Variants in RTL10 observed in about 807,000 individuals in gnomAD.
The protein encoded by RTL10 is protein Bop.
For missense variants in RTL10, 477 were observed against 470.7 expected (o/e 1.01, Z -0.12); for synonymous variants, 199 against 188.4 (o/e 1.06, Z -0.46).
Position 19,848,373 on chromosome 22 carries a change from G to A in RTL10, c.*2794C>T, listed in dbSNP as rs1238527928. On this transcript the variant is annotated 3_prime_UTR_variant, in exon 3 of 3. Transcript: ENST00000328554. ...GTCTGCCAGTGTGTGGGGGCCAGAA[G>A]AGAAAAACAACCCAGGGGGAATGCC... 9.1e-6 allele frequency: 9 copies of A among 985,344 alleles called. No homozygotes were observed. Among genetic ancestry groups the A allele is most frequent in the Non-Finnish European group, 1.1e-5 (9 of 829,982 alleles). The allele number at this position is 985,344 out of a possible 1,614,324, so 61.0% of individuals were successfully genotyped here. A position where few individuals can be genotyped will look rare whatever the true frequency, so the allele number is the denominator to read the frequency against.
At position 19,851,453 on chromosome 22, in the gene RTL10, G is replaced by A. The variant is rs1938095826; in HGVS notation, c.809C>T (p.Pro270Leu). ...TKESTPGPKE[P>L]PVLPSSTCSS... ...ACATGTAGAACTGGGCAGGACTGGG[G>A]GCTCCTTGGGCCCAGGGGTGCTCTC... Residue 270 changes from proline (P) to leucine (L), a missense_variant, in exon 3 of 3, where the codon CCC becomes CTC. Transcript: ENST00000328554. 1 of 1,613,998 alleles carries A rather than the reference G, an allele frequency of 6.2e-7. No homozygotes were observed. The highest frequency in any genetic ancestry group is 1.3e-5 in the African/African-American group (1 of 74,910).
chr22:19,850,693 G>A lies in RTL10; in HGVS notation c.*474C>T, dbSNP rs541703397. Reference sequence around the variant, plus strand: ...TTCCAGCTGGGACAGAAGTCACAGGGAGCAGAGAGGGTGGGGCTAGGGGGA... The same window carrying A: ...TTCCAGCTGGGACAGAAGTCACAGGAAGCAGAGAGGGTGGGGCTAGGGGGA... On this transcript the variant is annotated 3_prime_UTR_variant, in exon 3 of 3. Coordinates refer to ENST00000328554, the MANE Select transcript of RTL10 (RefSeq NM_024627.6). 7 of 1,233,476 alleles carry A rather than the reference G, an allele frequency of 5.7e-6. No homozygotes were observed. Among genetic ancestry groups the A allele is most frequent in the Non-Finnish European group, 7.1e-6 (7 of 989,866 alleles). The allele number at this position is 1,233,476 out of a possible 1,614,324, so 76.4% of individuals were successfully genotyped here.
In RTL10 at chr22:19,851,348, T is replaced by TC. The variant is rs1300242395; in HGVS notation, c.913dup (p.Glu305GlyfsTer4). ...TCTCTGGGCAGGAGGATTAGCTGAC[T>TC]CCGACAGTCTAGGGACAGGTGTGGG... On this transcript the variant is annotated frameshift_variant, in exon 3 of 3. Transcript: ENST00000328554. LOFTEE classifies it low-confidence loss of function (END_TRUNC). The TC allele has an allele frequency of 1.2e-6, 2 of 1,614,128 alleles. No homozygotes were observed. The highest frequency in any genetic ancestry group is 1.7e-6 in the Non-Finnish European group (2 of 1,180,008).
Position 19,851,035 on chromosome 22 carries a change from C to A in RTL10, c.*132G>T. 3 of 1,444,068 alleles carry A rather than the reference C, an allele frequency of 2.1e-6. No homozygotes were observed. The highest frequency in any genetic ancestry group is 2.9e-5 in the African/African-American group (2 of 69,776). 89.5% of individuals were successfully genotyped at this position (1,444,068 alleles called of 1,614,324 possible). On this transcript the variant is annotated 3_prime_UTR_variant, in exon 3 of 3. Coordinates refer to ENST00000328554, the MANE Select transcript of RTL10 (RefSeq NM_024627.6). ...TGCTCAGCGCAGAGTCCAAAACAAG[C>A]GCATCTTGCCCAGCTATGGGGTCTG... is the stretch of plus-strand genomic sequence containing the variant.
rs1406648500 is a variant in RTL10 at position 19,851,155 on chromosome 22, C to T, written c.*12G>A. ...ATCATGAGGGGCAGCATTGTTCCCA[C>T]CTGGGCTGTGTTCAGAACCCAGGAG... is the stretch of plus-strand genomic sequence containing the variant. On this transcript the variant is annotated 3_prime_UTR_variant, in exon 3 of 3. Coordinates refer to ENST00000328554, the MANE Select transcript of RTL10 (RefSeq NM_024627.6). The T allele has an allele frequency of 6.3e-7, 1 of 1,580,004 alleles. No individual in the cohort carries two copies. Among genetic ancestry groups the T allele is most frequent in the Non-Finnish European group, 8.6e-7 (1 of 1,162,196 alleles).
At position 19,847,650 on chromosome 22, in the gene RTL10, C is replaced by G. The variant is rs1937991430; in HGVS notation, c.*3517G>C. On this transcript the variant is annotated 3_prime_UTR_variant, in exon 3 of 3. Transcript: ENST00000328554. ...ACCACCCCTGGCAAGAGCCTTCATG[C>G]ACCTAGCAAGTAGTCACAGCATGCA... 1.0e-6 allele frequency: 1 copy of G among 985,036 alleles called. No homozygotes were observed. Among genetic ancestry groups the G allele is most frequent in the Non-Finnish European group, 1.2e-6 (1 of 829,770 alleles). 61.0% of individuals were successfully genotyped at this position (985,036 alleles called of 1,614,324 possible). A position where few individuals can be genotyped will look rare whatever the true frequency, so the allele number is the denominator to read the frequency against.
In RTL10 at chr22:19,848,606, A is replaced by G; in HGVS notation, c.*2561T>C. The stretch of plus-strand genomic sequence containing the variant: ...CTACCTTCCTTTCTGGGCAGAGCCC[A>G]ACCACAATAAACAGGACGCGTTTTA... On this transcript the variant is annotated 3_prime_UTR_variant, in exon 3 of 3. Transcript: ENST00000328554. 1 of 985,494 alleles carries G rather than the reference A, an allele frequency of 1.0e-6. No homozygotes were observed. The highest frequency in any genetic ancestry group is 1.2e-6 in the Non-Finnish European group (1 of 829,974). The allele number at this position is 985,494 out of a possible 1,614,324, so 61.0% of individuals were successfully genotyped here. A position where few individuals can be genotyped will look rare whatever the true frequency, so the allele number is the denominator to read the frequency against.
chr22:19,849,719 G>A lies in RTL10; in HGVS notation c.*1448C>T. The A allele has an allele frequency of 1.0e-6, 1 of 985,432 alleles. No homozygotes were observed. Among genetic ancestry groups the A allele is most frequent in the Non-Finnish European group, 1.2e-6 (1 of 829,922 alleles). The allele number at this position is 985,432 out of a possible 1,614,324, so 61.0% of individuals were successfully genotyped here. A position where few individuals can be genotyped will look rare whatever the true frequency, so the allele number is the denominator to read the frequency against. On this transcript the variant is annotated 3_prime_UTR_variant, in exon 3 of 3. Coordinates refer to ENST00000328554, the MANE Select transcript of RTL10 (RefSeq NM_024627.6). ...TTGCTAATTAGTTTTTCCTAAAATAGTTGGCTGTATTTCCAATTCACATTT... is the reference window on the plus strand; with the variant it reads ...TTGCTAATTAGTTTTTCCTAAAATAATTGGCTGTATTTCCAATTCACATTT...
chr22:19,853,156 G>T (rs1938149313), intron 2 of RTL10, among the ~76,000 whole-genome samples: 1 of 151,956 alleles, frequency 6.6e-6, no homozygotes, highest in South Asian at 2.1e-4. Context: ...CCACCTGCAG[G>T]CAATGCCACC....
At position 19,847,803 on chromosome 22, in the gene RTL10, GCAAAAAAAA is replaced by G. The variant is rs1937997271; in HGVS notation, c.*3355_*3363del. 1.1e-5 allele frequency: 5 copies of G among 440,436 alleles called. No homozygotes were observed. In the African/African-American group the frequency reaches 1.3e-4, roughly 11 times the overall value. 27.3% of individuals were successfully genotyped at this position (440,436 alleles called of 1,614,324 possible). On this transcript the variant is annotated 3_prime_UTR_variant, in exon 3 of 3. Transcript: ENST00000328554. ...AACTTTTAAAATCCTGGAATCATAG[GCAAAAAAAA>G]AAAAAAAAAAAAATTCACCCATATT...
At position 19,852,188 on chromosome 22, in the gene RTL10, T is replaced by C. The variant is rs141830940; in HGVS notation, c.74A>G (p.His25Arg). Residue 25 changes from histidine (H) to arginine (R), a missense_variant, in exon 3 of 3, where the codon CAT becomes CGT. By Grantham distance (29) the His-to-Arg change is conservative. Coordinates refer to ENST00000328554, the MANE Select transcript of RTL10 (RefSeq NM_024627.6). Reference protein sequence around the residue: ...IWAAANYANAHPWQQMDKASP... With the variant: ...IWAAANYANARPWQQMDKASP... ...CGCCTTGTCCATCTGCTGCCATGGA[T>C]GTGCGTTGGCATAATTGGCGGCTGC... 5 of 1,613,798 alleles carry C rather than the reference T, an allele frequency of 3.1e-6. No homozygotes were observed. The African/African-American group carries it at 6.7e-5, about 22-fold the overall frequency.
Position 19,849,187 on chromosome 22 carries a change from C to A in RTL10, c.*1980G>T. 5 of 985,398 alleles carry A rather than the reference C, an allele frequency of 5.1e-6. No individual in the cohort carries two copies. The highest frequency in any genetic ancestry group is 3.5e-5 in the African/African-American group (2 of 57,354). The allele number at this position is 985,398 out of a possible 1,614,324, so 61.0% of individuals were successfully genotyped here. On this transcript the variant is annotated 3_prime_UTR_variant, in exon 3 of 3. Transcript: ENST00000328554. ...CACTTGCTTTGCTACCAGGGCTATA[C>A]CTGCTTTCTAAAAATAGCTTCCCAC...
Position 19,850,352 on chromosome 22 carries a change from T to A in RTL10, c.*815A>T. ...TGCCAGGAGGGAGATCCAAGTCATT[T>A]ACACACTAGGGCTTAAGTGCTGAAT... On this transcript the variant is annotated 3_prime_UTR_variant, in exon 3 of 3. Transcript: ENST00000328554. 2.0e-6 allele frequency: 2 copies of A among 986,134 alleles called. No individual in the cohort carries two copies. The highest frequency in any genetic ancestry group is 2.4e-6 in the Non-Finnish European group (2 of 830,386). The allele number at this position is 986,134 out of a possible 1,614,324, so 61.1% of individuals were successfully genotyped here. A position where few individuals can be genotyped will look rare whatever the true frequency, so the allele number is the denominator to read the frequency against.
Position 19,847,804 on chromosome 22 carries a change from C to CAAAAA in RTL10, c.*3358_*3362dup, listed in dbSNP as rs34331843. On this transcript the variant is annotated 3_prime_UTR_variant, in exon 3 of 3. Transcript: ENST00000328554. ...ACTTTTAAAATCCTGGAATCATAGG[C>CAAAAA]AAAAAAAAAAAAAAAAAAAAATTCA... 4.2e-4 allele frequency: 257 copies of CAAAAA among 612,144 alleles called. 3 individuals are homozygous for CAAAAA. Among genetic ancestry groups the CAAAAA allele is most frequent in the African/African-American group, 1.8e-3 (65 of 35,756 alleles). The allele number at this position is 612,144 out of a possible 1,614,324, so 37.9% of individuals were successfully genotyped here.
rs776184901 is a variant in RTL10, at chr22:19,851,841, C to T, written c.421G>A (p.Glu141Lys). The T allele has an allele frequency of 2.5e-5, 41 of 1,613,864 alleles. No homozygotes were observed. The highest frequency in any genetic ancestry group is 2.0e-4 in the East Asian group (9 of 44,890). ...CGGCCTGTTAGGCGCCTGAGGATCTCGCAGACACGGCTGATGTTGTCCTGA... is the reference window on the plus strand; with the variant it reads ...CGGCCTGTTAGGCGCCTGAGGATCTTGCAGACACGGCTGATGTTGTCCTGA... ...HYQDNISRVC[E>K]ILRRLTGRAQ... Residue 141 changes from glutamate (E) to lysine (K), a missense_variant, in exon 3 of 3, where the codon GAG becomes AAG. By Grantham distance (56) the Glu-to-Lys change is moderately conservative. Coordinates refer to ENST00000328554, the MANE Select transcript of RTL10 (RefSeq NM_024627.6).
In RTL10 at chr22:19,851,518, A is replaced by C. The variant is rs1369074283; in HGVS notation, c.744T>G (p.Ser248=). 1 of 1,614,096 alleles carries C rather than the reference A, an allele frequency of 6.2e-7. No homozygotes were observed. Among genetic ancestry groups the C allele is most frequent in the African/African-American group, 1.3e-5 (1 of 75,016 alleles). Residue 248 remains serine (S), a synonymous_variant, in exon 3 of 3, where the codon TCT becomes TCG. Coordinates refer to ENST00000328554, the MANE Select transcript of RTL10 (RefSeq NM_024627.6). ...MATPAVSGSN[S]VSRSALFEQQ... is the part of the protein sequence containing the mutation. ...GCTCGAACAGAGCACTTCTAGATAC[A>C]GAGTTGGACCCAGACACAGCAGGGG...
At position 19,847,948 on chromosome 22, in the gene RTL10, C is replaced by T. The variant is rs1187852523; in HGVS notation, c.*3219G>A. The T allele has an allele frequency of 1.0e-6, 1 of 985,224 alleles. No individual in the cohort carries two copies. Among genetic ancestry groups the T allele is most frequent in the Non-Finnish European group, 1.2e-6 (1 of 829,824 alleles). The allele number at this position is 985,224 out of a possible 1,614,324, so 61.0% of individuals were successfully genotyped here. Reference sequence around the variant, plus strand: ...TTACTATTTTCCAGAGGGCCAACTGCTTTTACTGAATAATCCATTTTACTC... The same window carrying T: ...TTACTATTTTCCAGAGGGCCAACTGTTTTTACTGAATAATCCATTTTACTC... On this transcript the variant is annotated 3_prime_UTR_variant, in exon 3 of 3. Coordinates refer to ENST00000328554, the MANE Select transcript of RTL10 (RefSeq NM_024627.6).
Position 19,851,982 on chromosome 22 carries a change from C to G in RTL10, c.280G>C (p.Val94Leu), listed in dbSNP as rs1032379392. 2.5e-6 allele frequency: 4 copies of G among 1,614,204 alleles called. No homozygotes were observed. Among genetic ancestry groups the G allele is most frequent in the Admixed American group, 1.7e-5 (1 of 60,028 alleles). The change falls in exon 3 of 3, where the codon GTG (valine) becomes CTG (leucine). Residue 94 changes from valine to leucine, a missense_variant. Val to Leu is a conservative substitution (Grantham distance 32). Coordinates refer to ENST00000328554, the MANE Select transcript of RTL10 (RefSeq NM_024627.6). ...GAGCCTGGTACCCAGCAGAAGTCCACCCTGTGGGGTCGGGAGCTGGGCATG... is the reference window on the plus strand; with the variant it reads ...GAGCCTGGTACCCAGCAGAAGTCCAGCCTGTGGGGTCGGGAGCTGGGCATG... ...GHMPSSRPHR[V>L]DFCWVPGSDP... is the part of the protein sequence containing the mutation.
rs758850074 is a variant in RTL10 at position 19,851,231 on chromosome 22, G to A, written c.1031C>T (p.Thr344Ile). The A allele has an allele frequency of 1.2e-5, 19 of 1,601,016 alleles. No homozygotes were observed. Among genetic ancestry groups the A allele is most frequent in the African/African-American group, 8.0e-5 (6 of 74,766 alleles). ...CGGGGCCTCCACCACCTCCTGTGGGGTACCTAAGGACACCTCCTGGTCTCC... is the reference window on the plus strand; with the variant it reads ...CGGGGCCTCCACCACCTCCTGTGGGATACCTAAGGACACCTCCTGGTCTCC... ...TEGDQEVSLG[T>I]PQEVVEAPET... is the part of the protein sequence containing the mutation. Residue 344 changes from threonine to isoleucine, a missense_variant, in exon 3 of 3, where the codon ACC becomes ATC. Thr to Ile is a moderately conservative substitution (Grantham distance 89). Coordinates refer to ENST00000328554, the MANE Select transcript of RTL10 (RefSeq NM_024627.6).
Sources: gnomAD v4.1 joint callset for allele counts (sites outside exome capture counted in the v4.1 genomes callset) on GRCh38, gnomAD v4.1.1 for gene constraint, MANE v1.5 for transcripts, NCBI Gene and HGNC (gene_info 2026-07-23, HGNC 2026-07-21) for gene names.